Variants in AUTS2 observed in about 807,000 individuals in gnomAD.
AUTS2 encodes autism susceptibility gene 2 protein.
A neutral mutation model predicts 112.4 loss-of-function variants in AUTS2; 17 were observed. The observed-to-expected ratio is 0.15, with a 90% CI of 0.10 to 0.23. AUTS2 has a LOEUF of 0.23. Ranked by LOEUF, AUTS2 falls within the 10% of genes least tolerant of loss-of-function variation. The pLI, the probability that AUTS2 is intolerant of heterozygous loss-of-function variation, is 1.00. For missense variants in AUTS2, 1,510 were observed against 1,701.6 expected (o/e 0.89, Z 1.98); for synonymous variants, 751 against 702.7 (o/e 1.07, Z -1.09).
intron 5 of AUTS2, among the ~76,000 whole-genome samples, chr7:70,552,549 A>G (rs1409028568): frequency 6.6e-6 from 1 of 152,196 alleles, no homozygotes; most frequent in Non-Finnish European, 1.5e-5. Context: ...TTTTGCTTTG[A>G]ACTCAATTTA....
At chr7:69,643,795 T>C (rs1194989993) in intron 1 of AUTS2, among the ~76,000 whole-genome samples, 1 of 152,182 alleles carries the variant, frequency 6.6e-6, no homozygotes, top group African/African-American at 2.4e-5. Flanking sequence ...AATTCGTATG[T>C]TGAAGCTCTA....
intron 1 of AUTS2, among the ~76,000 whole-genome samples, chr7:69,798,545 T>C (rs1223307454): frequency 6.6e-6 from 1 of 152,212 alleles, no homozygotes; most frequent in Admixed American, 6.5e-5. Context: ...AATTTGATTA[T>C]GCATTGTCCA....
intron 5 of AUTS2, among the ~76,000 whole-genome samples, chr7:70,503,256 A>C (rs1296895170): frequency 1.3e-5 from 2 of 152,306 alleles, no homozygotes; most frequent in East Asian, 1.9e-4. Flanking sequence ...AATGGCTGTC[A>C]CATGACAGCC....
intron 5 of AUTS2, among the ~76,000 whole-genome samples, chr7:70,506,277 C>T (rs1470445529): frequency 5.3e-5 from 8 of 152,152 alleles, no homozygotes; most frequent in Non-Finnish European, 1.2e-4. Flanking sequence ...ACAGCAGTAG[C>T]GAGGGCAATG....
At chr7:70,572,581 T>C (rs1801992952) in intron 5 of AUTS2, among the ~76,000 whole-genome samples, 1 of 152,194 alleles carries the variant, frequency 6.6e-6, no homozygotes. Flanking sequence ...TCATTATGCA[T>C]GTTCCAGGCC....
intron 1 of AUTS2, among the ~76,000 whole-genome samples, chr7:69,642,328 C>A (rs1794833778): frequency 6.6e-6 from 1 of 152,026 alleles, no homozygotes; most frequent in African/African-American, 2.4e-5. Context: ...AAATTTATAT[C>A]CATGAGTCAG....
intron 1 of AUTS2, among the ~76,000 whole-genome samples, chr7:69,611,028 C>T (rs573777334): frequency 2.2e-4 from 34 of 152,270 alleles, no homozygotes; most frequent in African/African-American, 7.9e-4. Flanking sequence ...TGGAATTGGC[C>T]TTAATGGAAG....
At chr7:70,184,781 G>A (rs566844296) in intron 4 of AUTS2, among the ~76,000 whole-genome samples, 23 of 152,124 alleles carry the variant, frequency 1.5e-4, no homozygotes, top group Non-Finnish European at 2.9e-4. Flanking sequence ...GAAGTTAGGA[G>A]TGTGTCCCTG....
At chr7:70,682,872 G>C (rs1808280565) in intron 5 of AUTS2, among the ~76,000 whole-genome samples, 1 of 152,270 alleles carries the variant, frequency 6.6e-6, no homozygotes, top group African/African-American at 2.4e-5. Context: ...AACTCAGCTA[G>C]CCCTGTGGTC....
intron 12 of AUTS2, chr7:70,774,338 C>T (rs1339417245): frequency 1.9e-5 from 10 of 513,762 alleles, no homozygotes; most frequent in African/African-American, 5.7e-5. Flanking sequence ...GAATGAGTTA[C>T]GGTCTGAGCC....
rs61145365 is a variant in AUTS2 at position 69,638,503 on chromosome 7, A to G, written c.309+38541A>G. ...TTTGTATGATTAAATTTCAAAATCAATAGTAAAATTTTAATTTCAAATGCA... is the reference window on the plus strand; with the variant it reads ...TTTGTATGATTAAATTTCAAAATCAGTAGTAAAATTTTAATTTCAAATGCA... On this transcript the variant is annotated intron_variant, in intron 1 of 18. Transcript: ENST00000342771. 2.1e-3 allele frequency among the ~76,000 whole-genome samples: 322 copies of G among 152,346 alleles called. 1 individual carries two copies. Among genetic ancestry groups the G allele is most frequent in the African/African-American group, 7.4e-3 (307 of 41,586 alleles).
At chr7:70,188,307 A>G (rs1302767114) in intron 4 of AUTS2, among the ~76,000 whole-genome samples, 1 of 152,216 alleles carries the variant, frequency 6.6e-6, no homozygotes, top group Non-Finnish European at 1.5e-5. Context: ...AAGTTCTTCT[A>G]CAGGGGCGGA....
chr7:70,515,827 G>A (rs1157754823), intron 5 of AUTS2, among the ~76,000 whole-genome samples: 1 of 152,140 alleles, frequency 6.6e-6, no homozygotes, highest in Non-Finnish European at 1.5e-5. Context: ...AGAGGAAACT[G>A]TTAAGAGACC....
At chr7:69,678,123 A>G (rs117313813) in intron 1 of AUTS2, among the ~76,000 whole-genome samples, 2 of 152,230 alleles carry the variant, frequency 1.3e-5, no homozygotes, top group Non-Finnish European at 2.9e-5. Flanking sequence ...CTGACCTATG[A>G]AATCTGGAAG....
intron 4 of AUTS2, among the ~76,000 whole-genome samples, chr7:70,343,230 G>A (rs1335083909): frequency 6.6e-6 from 1 of 152,154 alleles, no homozygotes; most frequent in African/African-American, 2.4e-5. Flanking sequence ...AGTTCACACT[G>A]AAAGGGTAAA....
chr7:70,134,586 A>C lies in AUTS2; in HGVS notation c.660+15A>C, dbSNP rs759617355. On this transcript the variant is annotated intron_variant, in intron 4 of 18. Coordinates refer to ENST00000342771, the MANE Select transcript of AUTS2 (RefSeq NM_015570.4). ...CAGGCTACTTCGTAAGTCTATCTCA[A>C]CTTCCACATATGTGCCTTGCATTGG... 6.2e-7 allele frequency: 1 copy of C among 1,612,384 alleles called. No individual in the cohort carries two copies. The highest frequency in any genetic ancestry group is 2.2e-5 in the East Asian group (1 of 44,766).
intron 2 of AUTS2, among the ~76,000 whole-genome samples, chr7:70,035,895 A>G (rs1005598235): frequency 6.6e-6 from 1 of 152,224 alleles, no homozygotes; most frequent in African/African-American, 2.4e-5. Context: ...GGCAAGCAGT[A>G]TATTAGGAGC....
chr7:70,134,695 G>A (rs368578164), intron 4 of AUTS2, 124 bp downstream of exon 4: 1 of 893,596 alleles, frequency 1.1e-6, no homozygotes, highest in Non-Finnish European at 1.8e-6. Flanking sequence ...AGAGCAGACT[G>A]ATTTCCATTC....
chr7:70,102,115 C>CTT lies in AUTS2; in HGVS notation c.523-15997_523-15996dup, dbSNP rs537710268. ...GATACCCCTTACTTTGCAGTGTTTA[C>CTT]TTTTTTTTTTTTTTTTTTTTTGAGA... On this transcript the variant is annotated intron_variant, in intron 2 of 18. Coordinates refer to ENST00000342771, the MANE Select transcript of AUTS2 (RefSeq NM_015570.4). Among the ~76,000 whole-genome samples, 426 of 127,138 alleles carry CTT rather than the reference C, an allele frequency of 3.4e-3. 5 individuals are homozygous for CTT. Among genetic ancestry groups the CTT allele is most frequent in the African/African-American group, 8.4e-3 (293 of 34,966 alleles). 83.4% of individuals were successfully genotyped at this position (127,138 alleles called of 152,430 possible).
Sources: allele counts gnomAD v4.1 joint callset (sites outside exome capture counted in the v4.1 genomes callset), GRCh38; gene constraint gnomAD v4.1.1; transcripts MANE v1.5; gene names NCBI Gene and HGNC (gene_info 2026-07-23, HGNC 2026-07-21).